Variants in UNC5D observed in about 807,000 individuals in gnomAD.
UNC5D encodes netrin receptor UNC5D.
A neutral mutation model predicts 105.4 loss-of-function variants in UNC5D; 39 were observed. The observed-to-expected ratio is 0.37, with a 90% confidence interval of 0.29 to 0.48. The LOEUF is 0.48. UNC5D is among the 20% of genes least tolerant of loss of function. The probability of loss-of-function intolerance (pLI) is 0.98; values close to 1 mark genes in which losing one functional copy is unlikely to be tolerated. For missense variants in UNC5D, 991 were observed against 1,202.4 expected (o/e 0.82, Z 2.60); for synonymous variants, 452 against 450.4 (o/e 1.00, Z -0.04).
intron 1 of UNC5D, among the ~76,000 whole-genome samples, chr8:35,263,321 A>T (rs1804615732): frequency 6.6e-6 from 1 of 152,172 alleles, no homozygotes; most frequent in Non-Finnish European, 1.5e-5. Flanking sequence ...ATTTCTGTCC[A>T]TTTGCGCTAA....
At chr8:35,491,057 A>T (rs1408051789) in intron 1 of UNC5D, among the ~76,000 whole-genome samples, 1 of 151,932 alleles carries the variant, frequency 6.6e-6, no homozygotes, top group African/African-American at 2.4e-5. Context: ...CTTGGGTTAT[A>T]TGCCTATTTT....
At chr8:35,653,949 A>G (rs1189086906) in intron 4 of UNC5D, among the ~76,000 whole-genome samples, 2 of 151,004 alleles carry the variant, frequency 1.3e-5, no homozygotes, top group African/African-American at 4.9e-5. Context: ...ACTTAGTTAC[A>G]TTTTTTTTTA....
At chr8:35,298,862 G>A (rs907306330) in intron 1 of UNC5D, among the ~76,000 whole-genome samples, 7 of 152,190 alleles carry the variant, frequency 4.6e-5, no homozygotes, top group African/African-American at 9.7e-5. Flanking sequence ...CATTAACAAA[G>A]TGATTAGGTT....
At chr8:35,390,842 A>G (rs1172129004) in intron 1 of UNC5D, among the ~76,000 whole-genome samples, 1 of 152,210 alleles carries the variant, frequency 6.6e-6, no homozygotes, top group Admixed American at 6.5e-5. Context: ...CTGAGCTGTT[A>G]AAAGAGTGTA....
chr8:35,381,660 C>A (rs1358201906), intron 1 of UNC5D, among the ~76,000 whole-genome samples: 1 of 151,812 alleles, frequency 6.6e-6, no homozygotes, highest in Non-Finnish European at 1.5e-5. Flanking sequence ...TGTTTTTTTT[C>A]CCTAGTCTGA....
intron 1 of UNC5D, among the ~76,000 whole-genome samples, chr8:35,273,667 C>T (rs1585469416): frequency 6.6e-6 from 1 of 152,262 alleles, no homozygotes; most frequent in South Asian, 2.1e-4. Context: ...AAAAGATACT[C>T]ATTTTAATTT....
intron 1 of UNC5D, among the ~76,000 whole-genome samples, chr8:35,326,827 G>C (rs966140397): frequency 6.6e-6 from 1 of 152,078 alleles, no homozygotes; most frequent in Non-Finnish European, 1.5e-5. Context: ...TGATACAAAG[G>C]AAAGTCCTGC....
chr8:35,635,581 C>T (rs1822319046), intron 4 of UNC5D, among the ~76,000 whole-genome samples: 1 of 152,108 alleles, frequency 6.6e-6, no homozygotes, highest in Admixed American at 6.5e-5. Flanking sequence ...TTTAACAACA[C>T]TGACTGCTGG....
At chr8:35,516,614 T>C (rs2579889) in intron 1 of UNC5D, among the ~76,000 whole-genome samples, 70,384 of 152,088 alleles carry the variant, frequency 0.46, 20,505 homozygotes, top group African/African-American at 0.83. Context: ...ATAGTAAATT[T>C]TCCAACTTTC....
chr8:35,367,892 T>C (rs977561115), intron 1 of UNC5D, among the ~76,000 whole-genome samples: 1 of 152,310 alleles, frequency 6.6e-6, no homozygotes, highest in Admixed American at 6.5e-5. Flanking sequence ...CAAGGCCCTT[T>C]GCTCCTTGCT....
intron 1 of UNC5D, among the ~76,000 whole-genome samples, chr8:35,479,142 T>C (rs1008665401): frequency 5.9e-5 from 9 of 152,158 alleles, no homozygotes; most frequent in African/African-American, 1.7e-4. Flanking sequence ...TGCCATTTGG[T>C]GGTGTGGAAA....
intron 1 of UNC5D, among the ~76,000 whole-genome samples, chr8:35,508,093 G>A (rs951745866): frequency 5.9e-5 from 9 of 152,064 alleles, no homozygotes; most frequent in Admixed American, 1.3e-4. Flanking sequence ...TCTTGTTCAG[G>A]AAAATGAATG....
chr8:35,625,886 T>G (rs566905071), intron 4 of UNC5D, among the ~76,000 whole-genome samples: 1 of 152,232 alleles, frequency 6.6e-6, no homozygotes, highest in Non-Finnish European at 1.5e-5. Context: ...CTAAAAACCC[T>G]GTTGAAAGTA....
intron 11 of UNC5D, among the ~76,000 whole-genome samples, chr8:35,744,479 A>G (rs1164417603): frequency 2.6e-5 from 4 of 152,160 alleles, no homozygotes; most frequent in Admixed American, 1.3e-4. Flanking sequence ...ATGGTTTACT[A>G]TATTTATTAG....
chr8:35,350,076 T>A (rs1812101820), intron 1 of UNC5D, among the ~76,000 whole-genome samples: 1 of 151,924 alleles, frequency 6.6e-6, no homozygotes, highest in Non-Finnish European at 1.5e-5. Context: ...TTTATTTTTT[T>A]TGCCTGGATC....
At chr8:35,265,774 G>A (rs1042663941) in intron 1 of UNC5D, among the ~76,000 whole-genome samples, 3 of 151,892 alleles carry the variant, frequency 2.0e-5, no homozygotes, top group African/African-American at 7.3e-5. Context: ...AGAGGCTGAG[G>A]CAGGAGAATG....
intron 1 of UNC5D, among the ~76,000 whole-genome samples, chr8:35,484,771 T>G (rs1459717349): frequency 1.3e-5 from 2 of 152,152 alleles, no homozygotes; most frequent in African/African-American, 4.8e-5. Context: ...CTGCGGCCGC[T>G]ATACCAAGCA....
chr8:35,465,662 G>A (rs1278800036), intron 1 of UNC5D, among the ~76,000 whole-genome samples: 2 of 152,052 alleles, frequency 1.3e-5, no homozygotes, highest in Admixed American at 6.6e-5. Context: ...ACTGTTATAA[G>A]CAGAATAATG....
chr8:35,704,654 T>C (rs1484787227), intron 7 of UNC5D, among the ~76,000 whole-genome samples: 1 of 151,980 alleles, frequency 6.6e-6, no homozygotes, highest in Non-Finnish European at 1.5e-5. Context: ...AAAGGACTAA[T>C]GAGAAGGAGG....
Sources: gnomAD v4.1 joint callset for allele counts (sites outside exome capture counted in the v4.1 genomes callset) on GRCh38, gnomAD v4.1.1 for gene constraint, MANE v1.5 for transcripts, NCBI Gene and HGNC (gene_info 2026-07-23, HGNC 2026-07-21) for gene names.